The following TMCC1 variants were observed in gnomAD, a reference collection of about 807,000 sequenced individuals.
TMCC1 encodes transmembrane and coiled-coil domain family 1, also known as transmembrane and coiled-coil domains protein 1.
In TMCC1, 15 loss-of-function variants were observed where a neutral mutation model predicts 52.4. That is an observed-to-expected ratio of 0.29 (90% CI 0.19 to 0.44). The LOEUF is 0.44. Among genes scored for constraint, TMCC1 ranks in the 20% least tolerant of loss-of-function variants. The pLI is 1.00. For synonymous variants in TMCC1, 279 were observed against 301.9 expected (o/e 0.92, Z 0.79); for missense variants, 503 against 806.0 (o/e 0.62, Z 4.55).
chr3:129,872,511 C>T (rs889520683), intron 2 of TMCC1, among the ~76,000 whole-genome samples: 11 of 152,182 alleles, frequency 7.2e-5, no homozygotes, highest in Admixed American at 3.3e-4. Flanking sequence ...CTAAAGTTCA[C>T]GAAGCACTGT....
At chr3:129,679,650 TTTTC>T (rs1437834219) in intron 4 of TMCC1, among the ~76,000 whole-genome samples, 1 of 152,180 alleles carries the variant, frequency 6.6e-6, no homozygotes, top group African/African-American at 2.4e-5. Flanking sequence ...GAACTTCCTA[TTTTC>T]TTTCTTGACT....
intron 2 of TMCC1, among the ~76,000 whole-genome samples, chr3:129,837,107 G>A (rs963670262): frequency 1.3e-5 from 2 of 151,990 alleles, no homozygotes; most frequent in African/African-American, 4.8e-5. Context: ...TTAAATGCAG[G>A]CGGAAAGAGC....
At chr3:129,809,073 G>A (rs945582544) in intron 4 of TMCC1, among the ~76,000 whole-genome samples, 7 of 151,066 alleles carry the variant, frequency 4.6e-5, no homozygotes, top group Admixed American at 6.6e-5. Flanking sequence ...CAGTGAAACC[G>A]CATCTCTACT....
At chr3:129,764,824 T>TG (rs1166603469) in intron 4 of TMCC1, among the ~76,000 whole-genome samples, 4 of 112,882 alleles carry the variant, frequency 3.5e-5, no homozygotes, top group Non-Finnish European at 6.9e-5. Flanking sequence ...TTTTTTGAGA[T>TG]GGGGTCTCAC....
intron 4 of TMCC1, among the ~76,000 whole-genome samples, chr3:129,787,120 A>C (rs546900708): frequency 2.0e-5 from 3 of 152,220 alleles, no homozygotes; most frequent in Non-Finnish European, 2.9e-5. Flanking sequence ...AGAAATCACC[A>C]TATGTTTTAT....
rs374187701 is a variant in TMCC1 at position 129,867,591 on chromosome 3, C to T, written c.-184+12718G>A. Among the ~76,000 whole-genome samples, 6 of 152,210 alleles carry T rather than the reference C, an allele frequency of 3.9e-5. No homozygotes were observed. The South Asian group carries it at 1.2e-3, about 32-fold the overall frequency. On this transcript the variant is annotated intron_variant, in intron 2 of 6. Transcript: ENST00000393238. ...CTCTAAATTAAAAAATTATCTAGTC[C>T]TAACCTGGTGTGGGTAGAAAATCTA...
intron 4 of TMCC1, among the ~76,000 whole-genome samples, chr3:129,821,681 T>G (rs2058430992): frequency 6.6e-6 from 1 of 152,172 alleles, no homozygotes; most frequent in South Asian, 2.1e-4. Context: ...TAAGAAACTT[T>G]AATTATGGGC....
At chr3:129,789,150 G>T (rs2056267373) in intron 4 of TMCC1, among the ~76,000 whole-genome samples, 1 of 152,124 alleles carries the variant, frequency 6.6e-6, no homozygotes, top group South Asian at 2.1e-4. Context: ...ATGCATTCAG[G>T]ACTGTTAATT....
At chr3:129,759,766 G>C (rs1246517081) in intron 4 of TMCC1, among the ~76,000 whole-genome samples, 1 of 122,922 alleles carries the variant, frequency 8.1e-6, no homozygotes, top group Non-Finnish European at 1.6e-5. Context: ...CTGTCACCCA[G>C]GCTGGAGTGC....
At chr3:129,789,582 G>A (rs1333364709) in intron 4 of TMCC1, among the ~76,000 whole-genome samples, 3 of 152,126 alleles carry the variant, frequency 2.0e-5, no homozygotes, top group African/African-American at 7.2e-5. Context: ...CTGGGTTCAC[G>A]CCATTCTCCT....
At chr3:129,726,893 A>AAAAAAAAAAAAAAAAAAAG (rs1560278979) in intron 4 of TMCC1, among the ~76,000 whole-genome samples, 1 of 144,356 alleles carries the variant, frequency 6.9e-6, no homozygotes, top group East Asian at 2.0e-4. Flanking sequence ...AAAAAAAAAA[A>AAAAAAAAAAAAAAAAAAAG]AAAAAGAACC....
intron 4 of TMCC1, among the ~76,000 whole-genome samples, chr3:129,699,097 T>C (rs971689376): frequency 2.6e-5 from 4 of 152,200 alleles, no homozygotes; most frequent in Non-Finnish European, 5.9e-5. Flanking sequence ...CAACGGCTCA[T>C]GTCTGTAACT....
At chr3:129,671,311 G>A (rs1337183458) in intron 4 of TMCC1, 47 bp from the exon 5 acceptor site, 6 of 1,534,292 alleles carry the variant, frequency 3.9e-6, no homozygotes, top group Admixed American at 2.1e-5. Context: ...AGAGGACTAC[G>A]TCTTCAAAAT....
At chr3:129,870,465 C>T (rs1300348801) in intron 2 of TMCC1, among the ~76,000 whole-genome samples, 1 of 151,782 alleles carries the variant, frequency 6.6e-6, no homozygotes, top group Non-Finnish European at 1.5e-5. Flanking sequence ...GGCTGGACAG[C>T]GTGGAAGCTC....
chr3:129,879,393 A>G (rs917539202), intron 2 of TMCC1, among the ~76,000 whole-genome samples: 22 of 152,286 alleles, frequency 1.4e-4, no homozygotes, highest in African/African-American at 5.3e-4. Context: ...GTGAGCTACG[A>G]CTGCACCCTT....
intron 4 of TMCC1, among the ~76,000 whole-genome samples, chr3:129,748,226 T>C (rs1170940821): frequency 6.6e-6 from 1 of 152,218 alleles, no homozygotes; most frequent in East Asian, 1.9e-4. Context: ...ATCATGCCAC[T>C]TCCCTGGTAT....
intron 5 of TMCC1, among the ~76,000 whole-genome samples, chr3:129,659,564 T>G (rs1576345020): frequency 6.6e-6 from 1 of 152,044 alleles, no homozygotes; most frequent in East Asian, 1.9e-4. Context: ...GTATGTGAGG[T>G]GGTGAGGAAT....
intron 4 of TMCC1, among the ~76,000 whole-genome samples, chr3:129,764,214 TAGA>T (rs2053890591): frequency 2.0e-5 from 3 of 152,342 alleles, no homozygotes; most frequent in South Asian, 2.1e-4. Context: ...TTGCCATACA[TAGA>T]AGGACAGCAG....
chr3:129,852,930 G>A (rs988828506), intron 2 of TMCC1, among the ~76,000 whole-genome samples: 3 of 152,220 alleles, frequency 2.0e-5, no homozygotes, highest in African/African-American at 4.8e-5. Context: ...TATGGGAAGA[G>A]AGGAGATTGT....
Sources: allele counts gnomAD v4.1 joint callset (sites outside exome capture counted in the v4.1 genomes callset), GRCh38; gene constraint gnomAD v4.1.1; transcripts MANE v1.5; gene names NCBI Gene and HGNC (gene_info 2026-07-23, HGNC 2026-07-21).